PCDH9: variants seen among roughly 807,000 people sequenced by gnomAD.
PCDH9 encodes the protein protocadherin-9.
In PCDH9, 24 loss-of-function variants were observed where a neutral mutation model predicts 70.6. The observed-to-expected ratio is 0.34, with a 90% CI of 0.25 to 0.48. The LOEUF (loss-of-function observed/expected upper bound fraction) is 0.48. Ranked by LOEUF, PCDH9 falls within the 20% of genes least tolerant of loss-of-function variation. The pLI, the probability that PCDH9 is intolerant of heterozygous loss-of-function variation, is 0.99. For missense variants in PCDH9, 1,281 were observed against 1,503.6 expected (o/e 0.85, Z 2.45); for synonymous variants, 562 against 558.5 (o/e 1.01, Z -0.09).
At chr13:67,130,480 T>A (rs1036056028) in intron 2 of PCDH9, among the ~76,000 whole-genome samples, 1 of 152,114 alleles carries the variant, frequency 6.6e-6, no homozygotes, top group Admixed American at 6.6e-5. Flanking sequence ...TTTTGTAAGC[T>A]CCTCACTGTT....
At chr13:66,456,237 T>G (rs1169087673) in intron 4 of PCDH9, among the ~76,000 whole-genome samples, 2 of 152,084 alleles carry the variant, frequency 1.3e-5, no homozygotes, top group Non-Finnish European at 2.9e-5. Flanking sequence ...ACTGGATAAA[T>G]TTATAACTTG....
At chr13:66,677,825 GATATTTCTTTATAGCA>G (rs1180401350) in intron 3 of PCDH9, among the ~76,000 whole-genome samples, 2 of 152,044 alleles carry the variant, frequency 1.3e-5, no homozygotes, top group African/African-American at 2.4e-5. Flanking sequence ...CCCAGTCTCA[GATATTTCTTTATAGCA>G]ATACAAGAAT....
chr13:66,861,277 T>C (rs540567510), intron 3 of PCDH9, among the ~76,000 whole-genome samples: 8 of 152,190 alleles, frequency 5.3e-5, no homozygotes, highest in Non-Finnish European at 1.2e-4. Flanking sequence ...TGGAGGGCCC[T>C]TGGGATACTG....
At chr13:66,644,020 T>G (rs1434260055) in intron 3 of PCDH9, among the ~76,000 whole-genome samples, 3 of 151,966 alleles carry the variant, frequency 2.0e-5, no homozygotes, top group South Asian at 4.1e-4. Flanking sequence ...AAAAAATACA[T>G]TAAATTTTCT....
chr13:66,616,570 C>G (rs2077359546), intron 4 of PCDH9, among the ~76,000 whole-genome samples: 1 of 148,248 alleles, frequency 6.7e-6, no homozygotes, highest in African/African-American at 2.5e-5. Flanking sequence ...CTGGCTGCAG[C>G]TCAGAAAGAA....
chr13:66,808,256 A>T (rs979661423), intron 3 of PCDH9, among the ~76,000 whole-genome samples: 10 of 152,156 alleles, frequency 6.6e-5, no homozygotes, highest in Admixed American at 6.6e-4. Context: ...TATTGAAGGA[A>T]AGTAGGGCTG....
chr13:67,092,448 AC>A (rs1360959334), intron 2 of PCDH9, among the ~76,000 whole-genome samples: 1 of 152,144 alleles, frequency 6.6e-6, no homozygotes, highest in Non-Finnish European at 1.5e-5. Context: ...GTACTCAATA[AC>A]CACGTACCTG....
At chr13:66,819,608 G>C (rs1200426681) in intron 3 of PCDH9, among the ~76,000 whole-genome samples, 3 of 152,160 alleles carry the variant, frequency 2.0e-5, no homozygotes, top group African/African-American at 7.2e-5. Flanking sequence ...ATATGCTTTT[G>C]ACCAGGCATA....
intron 3 of PCDH9, among the ~76,000 whole-genome samples, chr13:66,738,777 A>C (rs2079202749): frequency 6.6e-6 from 1 of 152,072 alleles, no homozygotes; most frequent in South Asian, 2.1e-4. Context: ...TGAAGCGAGA[A>C]GGGAAGTTCA....
chr13:66,935,999 C>T (rs9540946), intron 2 of PCDH9, among the ~76,000 whole-genome samples: 24,271 of 152,026 alleles, frequency 0.16, 2,118 homozygotes, highest in Non-Finnish European at 0.18. Flanking sequence ...GCAGGAGGAT[C>T]GTTGGAATCC....
intron 3 of PCDH9, chr13:66,885,888 G>C (rs530038279): frequency 6.6e-6 from 1 of 152,176 alleles, no homozygotes; most frequent in South Asian, 2.1e-4. Context: ...AAACTAATTT[G>C]TATTTAAGGA....
intron 3 of PCDH9, among the ~76,000 whole-genome samples, chr13:66,675,930 T>TTTATTATTCTGGTCTATA (rs1262292289): frequency 6.6e-6 from 1 of 152,098 alleles, no homozygotes; most frequent in Non-Finnish European, 1.5e-5. Context: ...TGTCTCTACT[T>TTTATTATTCTGGTCTATA]TTATTATTCT....
intron 4 of PCDH9, among the ~76,000 whole-genome samples, chr13:66,532,816 T>C (rs1960527247): frequency 6.6e-6 from 1 of 152,138 alleles, no homozygotes; most frequent in African/African-American, 2.4e-5. Context: ...TTCTCCTCGG[T>C]CTTTTCTTTC....
intron 4 of PCDH9, among the ~76,000 whole-genome samples, chr13:66,410,500 T>C (rs1373273560): frequency 2.6e-5 from 4 of 152,226 alleles, no homozygotes; most frequent in Non-Finnish European, 5.9e-5. Context: ...ATTATGGACA[T>C]TTTTAGGGCC....
chr13:66,595,700 C>T (rs762923552), intron 4 of PCDH9, among the ~76,000 whole-genome samples: 6 of 151,484 alleles, frequency 4.0e-5, no homozygotes, highest in Admixed American at 1.3e-4. Context: ...AGAAAAAATA[C>T]GTTAACTTTT....
intron 3 of PCDH9, among the ~76,000 whole-genome samples, chr13:66,662,613 G>T (rs184241172): frequency 1.4e-4 from 22 of 152,248 alleles, no homozygotes; most frequent in Non-Finnish European, 2.5e-4. Flanking sequence ...CCAACATAAG[G>T]ACTAGCTTGG....
At chr13:66,916,019 A>C (rs1485555322) in intron 2 of PCDH9, among the ~76,000 whole-genome samples, 1 of 151,608 alleles carries the variant, frequency 6.6e-6, no homozygotes, top group African/African-American at 2.4e-5. Flanking sequence ...GGGGCATTAC[A>C]GATTTTTTTC....
At chr13:66,585,616 C>T (rs763349397) in intron 4 of PCDH9, among the ~76,000 whole-genome samples, 15 of 152,060 alleles carry the variant, frequency 9.9e-5, no homozygotes, top group Non-Finnish European at 1.8e-4. Context: ...ATTATTTTAT[C>T]TTAAAAATAG....
At chr13:66,735,692 A>G (rs950210774) in intron 3 of PCDH9, among the ~76,000 whole-genome samples, 3 of 152,184 alleles carry the variant, frequency 2.0e-5, no homozygotes, top group African/African-American at 7.2e-5. Flanking sequence ...GGCCGGGCAC[A>G]GTGGCTCATG....
Sources: allele counts gnomAD v4.1 joint callset (sites outside exome capture counted in the v4.1 genomes callset), GRCh38; gene constraint gnomAD v4.1.1; transcripts MANE v1.5; gene names NCBI Gene and HGNC (gene_info 2026-07-23, HGNC 2026-07-21).